The following CADM2 variants were observed in gnomAD, a reference collection of about 807,000 sequenced individuals.
CADM2 encodes the protein cell adhesion molecule 2, also known as immunoglobulin superfamily member 4D.
A neutral mutation model predicts 49.8 loss-of-function variants in CADM2; 12 were observed. That is an observed-to-expected ratio of 0.24 (90% CI 0.15 to 0.39). CADM2 has a LOEUF of 0.39. Ranked by LOEUF, CADM2 falls within the 10% of genes least tolerant of loss-of-function variation. The pLI, the probability that CADM2 is intolerant of heterozygous loss-of-function variation, is 1.00. For missense variants in CADM2, 378 were observed against 492.3 expected, an observed-to-expected ratio of 0.77 and a Z score of 2.20; for synonymous variants, 214 against 175.4, an observed-to-expected ratio of 1.22 and a Z score of -1.74.
chr3:85,044,807 T>TTC (rs1210376877), intron 1 of CADM2, among the ~76,000 whole-genome samples: 1 of 150,708 alleles, frequency 6.6e-6, no homozygotes, highest in Non-Finnish European at 1.5e-5. Context: ...TTCTTTTCTT[T>TTC]TTTTTTTTTG....
chr3:85,657,157 T>C (rs1031339559), intron 1 of CADM2, among the ~76,000 whole-genome samples: 1 of 152,162 alleles, frequency 6.6e-6, no homozygotes, highest in Non-Finnish European at 1.5e-5. Flanking sequence ...TTTGAATCTT[T>C]TGCAGCAAAT....
At chr3:85,242,379 T>C (rs77979849) in intron 1 of CADM2, among the ~76,000 whole-genome samples, 9,183 of 151,606 alleles carry the variant, frequency 0.061, 920 homozygotes, top group African/African-American at 0.21. Flanking sequence ...CTTGACTTTA[T>C]TCTGACAATT....
At chr3:85,341,667 A>G (rs1218593386) in intron 1 of CADM2, among the ~76,000 whole-genome samples, 1 of 152,064 alleles carries the variant, frequency 6.6e-6, no homozygotes, top group African/African-American at 2.4e-5. Context: ...ACAAACCTGC[A>G]CATTCTGCAT....
chr3:85,338,727 T>C (rs1204451721), intron 1 of CADM2, among the ~76,000 whole-genome samples: 1 of 151,500 alleles, frequency 6.6e-6, no homozygotes, highest in Non-Finnish European at 1.5e-5. Context: ...AGGTCTATGT[T>C]CTTTTCACCG....
chr3:85,044,838 G>C (rs1381018378), intron 1 of CADM2, among the ~76,000 whole-genome samples: 5 of 145,942 alleles, frequency 3.4e-5, no homozygotes, highest in Non-Finnish European at 1.5e-5. Context: ...AACTGATAGA[G>C]AGCCAGCTAG....
At chr3:85,758,100 A>G (rs901402117) in intron 2 of CADM2, among the ~76,000 whole-genome samples, 2 of 152,186 alleles carry the variant, frequency 1.3e-5, no homozygotes, top group Non-Finnish European at 2.9e-5. Context: ...AATAATGGAC[A>G]GGGATATATA....
chr3:85,515,631 A>ATATTTTT lies in CADM2; in HGVS notation c.62-210890_62-210889insATTTTTT, dbSNP rs1159969286. ...CACTAATATATATATATATATATAT[A>ATATTTTT]TTTTTTTTTTTTGTATCTTTAGTAG... On this transcript the variant is annotated intron_variant, in intron 1 of 9. Coordinates refer to ENST00000383699, the MANE Select transcript of CADM2 (RefSeq NM_001167675.2). Among the ~76,000 whole-genome samples the ATATTTTT allele has an allele frequency of 1.3e-3, 159 of 118,398 alleles. No homozygotes were observed. In the Middle Eastern group the frequency reaches 0.014, roughly 10 times the overall value. The allele number at this position is 118,398 out of a possible 152,430, so 77.7% of individuals were successfully genotyped here.
intron 1 of CADM2, among the ~76,000 whole-genome samples, chr3:85,123,968 G>A (rs922745917): frequency 6.6e-6 from 1 of 152,170 alleles, no homozygotes; most frequent in Non-Finnish European, 1.5e-5. Context: ...TGTTGGGCTG[G>A]GATGAGCTAT....
chr3:85,726,316 C>T (rs1427293182), intron 1 of CADM2, among the ~76,000 whole-genome samples: 1 of 151,966 alleles, frequency 6.6e-6, no homozygotes, highest in Non-Finnish European at 1.5e-5. Context: ...CTCCTGTCTG[C>T]TCTTACTTTG....
intron 1 of CADM2, among the ~76,000 whole-genome samples, chr3:85,435,180 C>A (rs961913390): frequency 6.6e-6 from 1 of 151,968 alleles, no homozygotes; most frequent in African/African-American, 2.4e-5. Context: ...CCCACACAAC[C>A]CCCAATAGGC....
At chr3:85,770,833 A>G (rs1256545911) in intron 2 of CADM2, among the ~76,000 whole-genome samples, 6 of 152,146 alleles carry the variant, frequency 3.9e-5, no homozygotes. Context: ...GTCTTAAATT[A>G]CTTTCTACTT....
chr3:85,708,854 A>T (rs1163498516), intron 1 of CADM2, among the ~76,000 whole-genome samples: 1 of 152,100 alleles, frequency 6.6e-6, no homozygotes, highest in East Asian at 1.9e-4. Flanking sequence ...CACGTGGAAG[A>T]ATATTTTTTA....
intron 1 of CADM2, among the ~76,000 whole-genome samples, chr3:85,376,600 T>C (rs2033605313): frequency 6.6e-6 from 1 of 152,112 alleles, no homozygotes; most frequent in Non-Finnish European, 1.5e-5. Context: ...ATGTGTATTC[T>C]GAAAAATGGA....
intron 1 of CADM2, among the ~76,000 whole-genome samples, chr3:85,106,597 C>A (rs1181962702): frequency 6.6e-6 from 1 of 152,116 alleles, no homozygotes; most frequent in Non-Finnish European, 1.5e-5. Context: ...CAAGCTCCTT[C>A]TATCAATGAT....
chr3:85,423,838 A>C (rs2036281136), intron 1 of CADM2, among the ~76,000 whole-genome samples: 1 of 152,112 alleles, frequency 6.6e-6, no homozygotes. Context: ...ACTCGTGTCT[A>C]CTTAAGTAGA....
At chr3:85,750,100 G>A (rs1052347832) in intron 2 of CADM2, among the ~76,000 whole-genome samples, 1 of 152,010 alleles carries the variant, frequency 6.6e-6, no homozygotes, top group Non-Finnish European at 1.5e-5. Flanking sequence ...AGTCTGAGAA[G>A]TTTATTGAAC....
chr3:86,055,451 C>CTTTTTTTTTTTTTTT (rs57606781), intron 8 of CADM2, among the ~76,000 whole-genome samples: 1 of 87,480 alleles, frequency 1.1e-5, no homozygotes, highest in African/African-American at 4.3e-5. Context: ...GGCATCCCCT[C>CTTTTTTTTTTTTTTT]TTTTTTTTTT....
At position 85,816,946 on chromosome 3, in the gene CADM2, AT is replaced by A. The variant is rs149263764; in HGVS notation, c.238+14751del. Among the ~76,000 whole-genome samples the A allele has an allele frequency of 3.2e-3, 489 of 152,324 alleles. 1 individual carries two copies. Among genetic ancestry groups the A allele is most frequent in the Non-Finnish European group, 5.2e-3 (354 of 68,036 alleles). ...GATATTTCTTCACTATTCATACAAA[AT>A]AATACAATTTAGAAATACCTACTTC... On this transcript the variant is annotated intron_variant, in intron 3 of 9. Coordinates refer to ENST00000383699, the MANE Select transcript of CADM2 (RefSeq NM_001167675.2).
intron 3 of CADM2, among the ~76,000 whole-genome samples, chr3:85,838,268 G>A (rs1406797859): frequency 6.6e-6 from 1 of 151,644 alleles, no homozygotes; most frequent in Non-Finnish European, 1.5e-5. Flanking sequence ...TCACCTCATA[G>A]GTCAAGACCA....
Sources: allele counts gnomAD v4.1 joint callset (sites outside exome capture counted in the v4.1 genomes callset), GRCh38; gene constraint gnomAD v4.1.1; transcripts MANE v1.5; gene names NCBI Gene and HGNC (gene_info 2026-07-23, HGNC 2026-07-21).